The following SLIT1 variants were observed in gnomAD, a reference collection of about 807,000 sequenced individuals.
SLIT1 encodes the protein slit homolog 1 protein.
Under a neutral mutation model 186.1 loss-of-function variants are expected in SLIT1, and 66 were observed. That is an observed-to-expected ratio of 0.35 (90% CI 0.29 to 0.44). The LOEUF is 0.44. SLIT1 is among the 20% of genes least tolerant of loss of function. SLIT1 has a pLI of 1.00. For synonymous variants in SLIT1, 761 were observed against 833.8 expected, an observed-to-expected ratio of 0.91 and a Z score of 1.50; for missense variants, 1,638 against 2,037.4, an observed-to-expected ratio of 0.80 and a Z score of 3.77.
At chr10:97,149,831 A>G (rs1564688379) in intron 4 of SLIT1, among the ~76,000 whole-genome samples, 1 of 151,950 alleles carries the variant, frequency 6.6e-6, no homozygotes, top group African/African-American at 2.4e-5. Context: ...GTATTCCCCG[A>G]AAAAATAAAT....
intron 15 of SLIT1, 38 bp from the exon 16 acceptor site, chr10:97,047,872 G>T (rs748314704): frequency 6.2e-7 from 1 of 1,612,938 alleles, no homozygotes; most frequent in African/African-American, 1.3e-5. Flanking sequence ...TGAGGAGCCC[G>T]GGGCCGGCTC....
intron 4 of SLIT1, among the ~76,000 whole-genome samples, chr10:97,115,245 C>T (rs910235359): frequency 6.6e-6 from 1 of 152,158 alleles, no homozygotes; most frequent in Non-Finnish European, 1.5e-5. Flanking sequence ...CGCCCAGGGC[C>T]AGAGAGCTCA....
At position 97,175,455 on chromosome 10, in the gene SLIT1, T is replaced by C. The variant is rs1204359779; in HGVS notation, c.197+10023A>G. Among the ~76,000 whole-genome samples, 3 of 152,234 alleles carry C rather than the reference T, an allele frequency of 2.0e-5. No homozygotes were observed. The East Asian group carries it at 5.8e-4, about 29-fold the overall frequency. ...ATATGGTGATTCTACTGTTGATTTT[T>C]TGAGGAACCGCCATACTGTTTTCCA... On this transcript the variant is annotated intron_variant, in intron 1 of 36. Coordinates refer to ENST00000266058, the MANE Select transcript of SLIT1 (RefSeq NM_003061.3).
intron 20 of SLIT1, among the ~76,000 whole-genome samples, chr10:97,041,705 C>T (rs1055795540): frequency 6.6e-6 from 1 of 152,112 alleles, no homozygotes; most frequent in African/African-American, 2.4e-5. Flanking sequence ...CTCCTGACCT[C>T]AGGGATCTGC....
Position 97,164,324 on chromosome 10 carries a change from T to C in SLIT1, c.269+495A>G, listed in dbSNP as rs927230178. ...ACCAGATATTTCTCTTTCTCTGCTT[T>C]GTTTCCAAAAGCCTGAAGTGTGAGA... On this transcript the variant is annotated intron_variant, in intron 2 of 36. Transcript: ENST00000266058. 3.3e-5 allele frequency among the ~76,000 whole-genome samples: 5 copies of C among 152,206 alleles called. No individual in the cohort carries two copies. In the East Asian group the frequency reaches 7.8e-4, roughly 24 times the overall value.
chr10:97,051,455 A>T (rs1848785678), intron 13 of SLIT1, among the ~76,000 whole-genome samples: 1 of 152,226 alleles, frequency 6.6e-6, no homozygotes, highest in East Asian at 1.9e-4. Context: ...CCACTTTGGA[A>T]AACACTGGCA....
chr10:97,139,496 T>A (rs532912874), intron 4 of SLIT1, among the ~76,000 whole-genome samples: 1 of 151,984 alleles, frequency 6.6e-6, no homozygotes, highest in African/African-American at 2.4e-5. Flanking sequence ...AAGAGAAGAG[T>A]ATTATCAACT....
rs138342456 is a variant in SLIT1 at position 97,146,289 on chromosome 10, C to T, written c.413+11529G>A. 9.8e-5 allele frequency among the ~76,000 whole-genome samples: 15 copies of T among 152,302 alleles called. No individual in the cohort carries two copies. In the East Asian group the frequency reaches 2.3e-3, roughly 23 times the overall value. On this transcript the variant is annotated intron_variant, in intron 4 of 36. Transcript: ENST00000266058. ...AAATTACAAATACAAACCTGGGTCACGGCTTAAGGGAAGGGTCTAACTAGG... is the reference window on the plus strand; with the variant it reads ...AAATTACAAATACAAACCTGGGTCATGGCTTAAGGGAAGGGTCTAACTAGG...
intron 4 of SLIT1, among the ~76,000 whole-genome samples, chr10:97,073,451 C>CT (rs1849018136): frequency 6.6e-6 from 1 of 152,214 alleles, no homozygotes; most frequent in African/African-American, 2.4e-5. Flanking sequence ...CAGCCAAGCC[C>CT]AGGGCAGCCA....
chr10:97,152,191 C>T (rs1849888558), intron 4 of SLIT1, among the ~76,000 whole-genome samples: 1 of 152,124 alleles, frequency 6.6e-6, no homozygotes, highest in Admixed American at 6.5e-5. Context: ...CCCTCCTGCC[C>T]ACCACATGCC....
rs866451012 is a variant in SLIT1, at chr10:97,178,286, T to C, written c.197+7192A>G. 5.9e-5 allele frequency among the ~76,000 whole-genome samples: 9 copies of C among 152,362 alleles called. No homozygotes were observed. In the Middle Eastern group the frequency reaches 0.01, roughly 173 times the overall value. ...AATACTGGCACAAACTGACATCACG[T>C]GCCTTCTGACATGTTGCACCAGGAA... On this transcript the variant is annotated intron_variant, in intron 1 of 36. Coordinates refer to ENST00000266058, the MANE Select transcript of SLIT1 (RefSeq NM_003061.3).
At chr10:97,149,213 C>T (rs1163614617) in intron 4 of SLIT1, among the ~76,000 whole-genome samples, 2 of 152,216 alleles carry the variant, frequency 1.3e-5, no homozygotes, top group Non-Finnish European at 2.9e-5. Context: ...CCCGCTCTGG[C>T]GAGCAGATGT....
rs1239703469 is a variant in SLIT1, at chr10:97,057,278, G to C, written c.1089C>G (p.Val363=). 6.2e-7 allele frequency: 1 copy of C among 1,613,578 alleles called. No homozygotes were observed. Among genetic ancestry groups the C allele is most frequent in the African/African-American group, 1.3e-5 (1 of 74,914 alleles). The part of the protein sequence containing the change: ...FQGLRSLNSL[V]LYGNKITDLP... ...GGTCTGTGATCTTGTTTCCATAGAG[G>C]ACCCTGGAGAAAAGGCAGCAGAGAG... The change falls in exon 12 of 37, where the codon GTC becomes GTG. Residue 363 remains valine, a synonymous_variant. Transcript: ENST00000266058.
intron 25 of SLIT1, among the ~76,000 whole-genome samples, chr10:97,028,352 C>T (rs2134606884): frequency 6.6e-6 from 1 of 152,122 alleles, no homozygotes; most frequent in Admixed American, 6.5e-5. Context: ...CCCACAATTC[C>T]CTTTCTTTAC....
intron 30 of SLIT1, among the ~76,000 whole-genome samples, chr10:97,011,494 G>C (rs1270613085): frequency 6.6e-6 from 1 of 152,082 alleles, no homozygotes; most frequent in Non-Finnish European, 1.5e-5. Context: ...CAGCAGCTCA[G>C]CTGCACCCTC....
Position 97,000,856 on chromosome 10 carries a change from A to T in SLIT1, c.*256T>A. ...GCACACATTCACTCAACAAATATTT[A>T]TTAAGCGCCTATTTGTGCAAGGCAC... On this transcript the variant is annotated 3_prime_UTR_variant, in exon 37 of 37. Transcript: ENST00000266058. The T allele has an allele frequency of 1.9e-6, 1 of 530,538 alleles. No individual in the cohort carries two copies. The highest frequency in any genetic ancestry group is 3.4e-6 in the Non-Finnish European group (1 of 295,660). The allele number at this position is 530,538 out of a possible 1,614,324, so 32.9% of individuals were successfully genotyped here. A position where few individuals can be genotyped will look rare whatever the true frequency, so the allele number is the denominator to read the frequency against.
intron 4 of SLIT1, among the ~76,000 whole-genome samples, chr10:97,088,888 T>C (rs1309114810): frequency 6.6e-6 from 1 of 151,738 alleles, no homozygotes; most frequent in Non-Finnish European, 1.5e-5. Flanking sequence ...CCCCTCATCC[T>C]CATGAGCTGT....
chr10:97,157,764 A>G, intron 4 of SLIT1, 54 bp downstream of exon 4: 1 of 1,346,116 alleles, frequency 7.4e-7, no homozygotes, highest in Non-Finnish European at 1.1e-6. Flanking sequence ...TGCCTCCCAC[A>G]GGGTGAGAGA....
chr10:97,029,252 A>AT (rs1404366762), intron 25 of SLIT1, among the ~76,000 whole-genome samples: 1 of 152,236 alleles, frequency 6.6e-6, no homozygotes, highest in African/African-American at 2.4e-5. Context: ...ACATTACCAT[A>AT]TTAAATATAC....
Sources: allele counts gnomAD v4.1 joint callset (sites outside exome capture counted in the v4.1 genomes callset), GRCh38; gene constraint gnomAD v4.1.1; transcripts MANE v1.5; gene names NCBI Gene and HGNC (gene_info 2026-07-23, HGNC 2026-07-21).